AMHR2: variants seen among roughly 807,000 people sequenced by gnomAD.
AMHR2 encodes anti-Mullerian hormone receptor type 2.
In AMHR2, 36 loss-of-function variants were observed where a neutral mutation model predicts 61.4. That is an observed-to-expected ratio of 0.59 (90% CI 0.45 to 0.77). The LOEUF (loss-of-function observed/expected upper bound fraction) is 0.77. Ranked by LOEUF, AMHR2 falls within the 30% of genes least tolerant of loss-of-function variation. AMHR2 has a pLI of 0.00. For synonymous variants in AMHR2, 258 were observed against 279.4 expected (o/e 0.92, Z 0.76); for missense variants, 638 against 714.6 (o/e 0.89, Z 1.22).
Position 53,424,757 on chromosome 12 carries a change from C to G in AMHR2, c.281C>G (p.Pro94Arg). ...EPGCESLHCD[P>R]SPRAHPSPGS... ...GGCTGTGAGTCCCTCCACTGTGACC[C>G]AAGTCCCCGAGCCCACCCCAGCCCT... Residue 94 changes from proline (P) to arginine (R), a missense_variant, in exon 3 of 11, where the codon CCA becomes CGA. By Grantham distance (103) the Pro-to-Arg change is moderately radical. Transcript: ENST00000257863. The G allele has an allele frequency of 6.2e-7, 1 of 1,613,866 alleles. No individual in the cohort carries two copies. The highest frequency in any genetic ancestry group is 8.5e-7 in the Non-Finnish European group (1 of 1,179,878).
Position 53,423,919 on chromosome 12 carries a change from G to C in AMHR2, c.-16G>C. ...CTTATGCTCTTCTCCTTCTGCTGCT[G>C]CCATCCTCCAGCAAGATGCTAGGGT... On this transcript the variant is annotated 5_prime_UTR_variant, in exon 1 of 11. Coordinates refer to ENST00000257863, the MANE Select transcript of AMHR2 (RefSeq NM_020547.3). The C allele has an allele frequency of 6.2e-7, 1 of 1,614,048 alleles. No individual in the cohort carries two copies.
At position 53,429,248 on chromosome 12, in the gene AMHR2, C is replaced by T. The variant is rs78130125; in HGVS notation, c.968-205C>T. Among the ~76,000 whole-genome samples the T allele has an allele frequency of 5.0e-4, 76 of 152,070 alleles. No individual in the cohort carries two copies. The East Asian group carries it at 9.5e-3, about 19-fold the overall frequency. On this transcript the variant is annotated intron_variant, in intron 7 of 10. Transcript: ENST00000257863. ...TCTATTAAAAATACAAAATATTAGC[C>T]GGGCGTGGTGGCATGTGCCTGTAGT...
intron 8 of AMHR2, 88 bp from the exon 9 acceptor site, chr12:53,429,743 C>T: frequency 6.9e-6 from 11 of 1,604,546 alleles, no homozygotes; most frequent in Non-Finnish European, 9.4e-6. Context: ...ATTGCTGAGT[C>T]TGTAGTTGGG....
intron 7 of AMHR2, 44 bp downstream of exon 7, chr12:53,429,054 T>A (rs1011076117): frequency 1.4e-6 from 2 of 1,474,188 alleles, no homozygotes; most frequent in African/African-American, 2.8e-5. Flanking sequence ...CACAGTGCTA[T>A]GTTTGTGATT....
Position 53,424,446 on chromosome 12 carries a change from G to A in AMHR2, c.208G>A (p.Asp70Asn). ...CTTTGGGATCTGGAACCTGACCCAA[G>A]ACCGGGCACAGGTGGAAATGCAAGG... The part of the protein sequence containing the change: ...CCFGIWNLTQ[D>N]RAQVEMQGCR... The change falls in exon 2 of 11, where the codon GAC (aspartate) becomes AAC (asparagine). Residue 70 changes from aspartate (D) to asparagine (N), a missense_variant. Transcript: ENST00000257863. The A allele has an allele frequency of 1.2e-6, 2 of 1,613,496 alleles. No homozygotes were observed. Among genetic ancestry groups the A allele is most frequent in the East Asian group, 4.5e-5 (2 of 44,886 alleles).
intron 7 of AMHR2, 107 bp from the exon 8 acceptor site, chr12:53,429,346 C>T (rs1157553681): frequency 5.2e-5 from 65 of 1,243,896 alleles, no homozygotes; most frequent in Non-Finnish European, 6.9e-5. Flanking sequence ...GAGCCGAGAT[C>T]GCGACACTGC....
rs1939473797 is a variant in AMHR2, at chr12:53,425,385, C to T, written c.503-70C>T. The T allele has an allele frequency of 2.5e-6, 4 of 1,605,806 alleles. No individual in the cohort carries two copies. In the East Asian group the frequency reaches 6.7e-5, roughly 27 times the overall value. On this transcript the variant is annotated intron_variant, in intron 4 of 10. Coordinates refer to ENST00000257863, the MANE Select transcript of AMHR2 (RefSeq NM_020547.3). Reference sequence around the variant, plus strand: ...CTCCCATGACCTCTCACAAAGCTCCCTTTCCACGAAGTCCCTTTTCCTGTC... The same window carrying T: ...CTCCCATGACCTCTCACAAAGCTCCTTTTCCACGAAGTCCCTTTTCCTGTC...
rs767477051 is a variant in AMHR2 at position 53,431,496 on chromosome 12, A to G, written c.*23A>G. ...TAAATATGCAGTTTATGTGTCATCA[A>G]TGTACATGCCAACATAAATATGGCG... On this transcript the variant is annotated 3_prime_UTR_variant, in exon 11 of 11. Coordinates refer to ENST00000257863, the MANE Select transcript of AMHR2 (RefSeq NM_020547.3). 6.2e-7 allele frequency: 1 copy of G among 1,613,890 alleles called. No individual in the cohort carries two copies. The highest frequency in any genetic ancestry group is 1.1e-5 in the South Asian group (1 of 91,078).
At position 53,425,543 on chromosome 12, in the gene AMHR2, G is replaced by A. The variant is rs1210427228; in HGVS notation, c.591G>A (p.Leu197=). ...CAGGCAGGGACTGGAGTGTGGAGCT[G>A]CAGGAGCTGCCTGAGCTGTGTTTCT... The part of the protein sequence containing the change: ...PDSGRDWSVE[L]QELPELCFSQ... Residue 197 remains leucine (L), a synonymous_variant, in exon 5 of 11, where the codon CTG becomes CTA. Coordinates refer to ENST00000257863, the MANE Select transcript of AMHR2 (RefSeq NM_020547.3). 5 of 1,614,042 alleles carry A rather than the reference G, an allele frequency of 3.1e-6. No homozygotes were observed. In the South Asian group the frequency reaches 4.4e-5, roughly 14 times the overall value.
At chr12:53,424,558 G>A in intron 2 of AMHR2, 88 bp downstream of exon 2, 1 of 1,561,954 alleles carries the variant, frequency 6.4e-7, no homozygotes, top group South Asian at 1.1e-5. Context: ...GGGAAGGGGA[G>A]AAATAGAACA....
rs563952004 is a variant in AMHR2 at position 53,431,152 on chromosome 12, C to G, written c.1426-25C>G. 22 of 1,613,394 alleles carry G rather than the reference C, an allele frequency of 1.4e-5. No homozygotes were observed. The African/African-American group carries it at 1.9e-4, about 14-fold the overall frequency. ...GCCCACTCAAGATCCTAGGGTCAAC[C>G]CTTCCTCCCTGTCATTCCCCCCAGG... On this transcript the variant is annotated intron_variant, in intron 10 of 10. Coordinates refer to ENST00000257863, the MANE Select transcript of AMHR2 (RefSeq NM_020547.3).
chr12:53,426,934 T>C (rs1385743013), intron 6 of AMHR2, among the ~76,000 whole-genome samples: 1 of 141,680 alleles, frequency 7.1e-6, no homozygotes, highest in African/African-American at 2.7e-5. Flanking sequence ...CCACCCATCT[T>C]AGCCCCCCAA....
Position 53,431,280 on chromosome 12 carries a change from A to G in AMHR2, c.1529A>G (p.His510Arg), listed in dbSNP as rs759395736. 37 of 1,614,204 alleles carry G rather than the reference A, an allele frequency of 2.3e-5. No homozygotes were observed. The highest frequency in any genetic ancestry group is 1.6e-4 in the Middle Eastern group (1 of 6,062). The change falls in exon 11 of 11, where the codon CAT (histidine) becomes CGT (arginine). Residue 510 changes from histidine to arginine, a missense_variant. Physicochemically the swap from His to Arg is conservative, Grantham distance 29. Transcript: ENST00000257863. ...CVQQRLAALA[H>R]PQESHPFPES... The stretch of plus-strand genomic sequence containing the variant: ...CAGCAGCGCCTGGCTGCCTTGGCCC[A>G]TCCTCAAGAGAGCCACCCCTTTCCA...
Position 53,431,270 on chromosome 12 carries a change from G to A in AMHR2, c.1519G>A (p.Ala507Thr), listed in dbSNP as rs1049448887. ...TAECVQQRLA[A>T]LAHPQESHPF... ...TGAGTGTGTACAGCAGCGCCTGGCT[G>A]CCTTGGCCCATCCTCAAGAGAGCCA... is the stretch of plus-strand genomic sequence containing the variant. Residue 507 changes from alanine to threonine, a missense_variant, in exon 11 of 11, where the codon GCC becomes ACC. Ala to Thr is a moderately conservative substitution (Grantham distance 58). Transcript: ENST00000257863. 1.2e-6 allele frequency: 2 copies of A among 1,614,110 alleles called. No homozygotes were observed. The highest frequency in any genetic ancestry group is 1.7e-6 in the Non-Finnish European group (2 of 1,180,052).
rs562889948 is a variant in AMHR2, at chr12:53,427,394, T to A, written c.852+1475T>A. ...CCTGCTAGGCATTACGCTACCCGCT[T>A]TTTATTTTATTTTATTTTATTTTAT... On this transcript the variant is annotated intron_variant, in intron 6 of 10. Transcript: ENST00000257863. 5.5e-4 allele frequency among the ~76,000 whole-genome samples: 84 copies of A among 151,838 alleles called. 1 individual carries two copies. The highest frequency in any genetic ancestry group is 1.9e-3 in the African/African-American group (79 of 41,290).
intron 10 of AMHR2, 155 bp downstream of exon 10, chr12:53,430,437 C>T (rs1420226031): frequency 1.7e-6 from 2 of 1,176,740 alleles, no homozygotes; most frequent in East Asian, 2.5e-5. Flanking sequence ...CAAGCCTCCT[C>T]TCCCCGTCAG....
Position 53,424,483 on chromosome 12 carries a change from G to A in AMHR2, c.232+13G>A, listed in dbSNP as rs757030173. The A allele has an allele frequency of 1.2e-6, 2 of 1,611,158 alleles. No homozygotes were observed. The highest frequency in any genetic ancestry group is 1.1e-5 in the South Asian group (1 of 90,658). On this transcript the variant is annotated intron_variant, in intron 2 of 10. Coordinates refer to ENST00000257863, the MANE Select transcript of AMHR2 (RefSeq NM_020547.3). ...GTGGAAATGCAAGGTGAATGGCAAA[G>A]TATATGGCAGGTGATGGCTAGGGTG... is the stretch of plus-strand genomic sequence containing the variant.
At chr12:53,430,104 C>T (rs745701118) in intron 9 of AMHR2, 42 bp from the exon 10 acceptor site, 11 of 1,613,972 alleles carry the variant, frequency 6.8e-6, no homozygotes, top group Admixed American at 6.7e-5. Context: ...TGGTAGGCAC[C>T]CCTAGGACTA....
intron 8 of AMHR2, 86 bp from the exon 9 acceptor site, chr12:53,429,743 CTG>C: frequency 1.2e-6 from 2 of 1,604,546 alleles, no homozygotes; most frequent in Non-Finnish European, 1.7e-6. Context: ...ATTGCTGAGT[CTG>C]TAGTTGGGGG....
Sources: allele counts gnomAD v4.1 joint callset (sites outside exome capture counted in the v4.1 genomes callset), GRCh38; gene constraint gnomAD v4.1.1; transcripts MANE v1.5; gene names NCBI Gene and HGNC (gene_info 2026-07-23, HGNC 2026-07-21).